The following STAC variants were observed in gnomAD, a reference collection of about 807,000 sequenced individuals.
STAC encodes SH3 and cysteine rich domain.
STAC carries 43 observed loss-of-function variants against 48.8 expected under a neutral mutation model. That is an observed-to-expected ratio of 0.88 (90% CI 0.69 to 1.14). STAC has a LOEUF of 1.14. Among genes scored for constraint, STAC ranks in the 50% most tolerant of loss-of-function variants. The pLI, the probability that STAC is intolerant of heterozygous loss-of-function variation, is 0.00. For synonymous variants in STAC, 193 were observed against 179.5 expected (o/e 1.07, Z -0.60); for missense variants, 497 against 504.0 (o/e 0.99, Z 0.13).
rs149518956 is a variant in STAC, at chr3:36,536,401, T to C, written c.1110+7416T>C. On this transcript the variant is annotated intron_variant, in intron 10 of 10. Coordinates refer to ENST00000273183, the MANE Select transcript of STAC (RefSeq NM_003149.3). ...TGGTACTGGTACAAAAACAGATACA[T>C]AGGCCAGTGGAACAGTATAGAGGTC... Among the ~76,000 whole-genome samples the C allele has an allele frequency of 2.2e-3, 337 of 152,174 alleles. No homozygotes were observed. In the Middle Eastern group the frequency reaches 0.024, roughly 11 times the overall value.
At chr3:36,471,063 G>C (rs1697319256) in intron 2 of STAC, among the ~76,000 whole-genome samples, 1 of 152,112 alleles carries the variant, frequency 6.6e-6, no homozygotes, top group East Asian at 1.9e-4. Flanking sequence ...TGCTGATAAA[G>C]ACATACCCGA....
At chr3:36,444,448 TTC>T (rs753402159) in intron 2 of STAC, among the ~76,000 whole-genome samples, 8 of 148,376 alleles carry the variant, frequency 5.4e-5, no homozygotes, top group Non-Finnish European at 1.2e-4. Context: ...TTATTGCATC[TTC>T]TCTCTACTCC....
chr3:36,400,626 G>C (rs549211582), intron 1 of STAC, among the ~76,000 whole-genome samples: 2 of 152,304 alleles, frequency 1.3e-5, no homozygotes, highest in African/African-American at 2.4e-5. Context: ...TTGAAACACA[G>C]ATTATTGGAC....
intron 6 of STAC, among the ~76,000 whole-genome samples, chr3:36,501,354 T>C (rs1177965080): frequency 6.6e-6 from 1 of 152,038 alleles, no homozygotes; most frequent in Non-Finnish European, 1.5e-5. Context: ...GAGCAGAAAT[T>C]ATTAAATTAC....
intron 2 of STAC, among the ~76,000 whole-genome samples, chr3:36,457,499 G>A (rs895934424): frequency 6.6e-6 from 1 of 152,166 alleles, no homozygotes; most frequent in Non-Finnish European, 1.5e-5. Context: ...CCTAGGAAAG[G>A]AGTCTGGAAA....
chr3:36,455,622 G>T (rs756196311), intron 2 of STAC, among the ~76,000 whole-genome samples: 61 of 152,186 alleles, frequency 4.0e-4, no homozygotes, highest in Admixed American at 1.0e-3. Flanking sequence ...AACAGGGAAT[G>T]CTCCACTGAC....
At chr3:36,542,850 G>C (rs906084215) in intron 10 of STAC, among the ~76,000 whole-genome samples, 25 of 152,142 alleles carry the variant, frequency 1.6e-4, no homozygotes, top group African/African-American at 6.0e-4. Context: ...GGATCCGTCT[G>C]TCTTGTATTG....
At chr3:36,514,693 A>G (rs928437651) in intron 8 of STAC, among the ~76,000 whole-genome samples, 4 of 152,168 alleles carry the variant, frequency 2.6e-5, no homozygotes, top group Non-Finnish European at 5.9e-5. Context: ...AACTAATGCT[A>G]TGCCTGGCAT....
chr3:36,445,761 C>T (rs1470515183), intron 2 of STAC, among the ~76,000 whole-genome samples: 1 of 152,100 alleles, frequency 6.6e-6, no homozygotes, highest in East Asian at 1.9e-4. Flanking sequence ...GAATGACATC[C>T]CAGAAAAGAT....
chr3:36,453,486 T>C (rs976027035), intron 2 of STAC, among the ~76,000 whole-genome samples: 26 of 152,316 alleles, frequency 1.7e-4, no homozygotes, highest in African/African-American at 6.3e-4. Context: ...TCTTAGCACC[T>C]GGGCCAGCAG....
chr3:36,421,939 G>A (rs1374195595), intron 1 of STAC, among the ~76,000 whole-genome samples: 1 of 151,710 alleles, frequency 6.6e-6, no homozygotes, highest in Admixed American at 6.6e-5. Context: ...TGAAGATTAT[G>A]TTTATTCATA....
chr3:36,489,552 T>G (rs1207868697), intron 5 of STAC, among the ~76,000 whole-genome samples: 1 of 152,234 alleles, frequency 6.6e-6, no homozygotes, highest in African/African-American at 2.4e-5. Context: ...TATATATTGC[T>G]TAGTAATTTT....
At chr3:36,511,109 T>C (rs114307643) in intron 8 of STAC, among the ~76,000 whole-genome samples, 284 of 152,012 alleles carry the variant, frequency 1.9e-3, no homozygotes, top group African/African-American at 6.5e-3. Context: ...TCTCAAAATC[T>C]AAACCATTCT....
chr3:36,391,124 T>C (rs1248247275), intron 1 of STAC, among the ~76,000 whole-genome samples: 2 of 152,134 alleles, frequency 1.3e-5, no homozygotes, highest in African/African-American at 4.8e-5. Context: ...ACTGATTCCT[T>C]AGATCTGGAT....
At chr3:36,438,343 AT>A (rs1696219134) in intron 1 of STAC, among the ~76,000 whole-genome samples, 1 of 152,198 alleles carries the variant, frequency 6.6e-6, no homozygotes, top group Non-Finnish European at 1.5e-5. Context: ...TCTGAAGAAT[AT>A]CTGTTTCTTT....
intron 1 of STAC, among the ~76,000 whole-genome samples, chr3:36,424,424 G>C (rs1700517591): frequency 6.6e-6 from 1 of 152,108 alleles, no homozygotes; most frequent in Admixed American, 6.6e-5. Context: ...CAGATAGATT[G>C]ATATAAAAAT....
chr3:36,546,299 C>A lies in STAC; in HGVS notation c.*10C>A. The A allele has an allele frequency of 6.2e-7, 1 of 1,612,412 alleles. No homozygotes were observed. The highest frequency in any genetic ancestry group is 1.1e-5 in the South Asian group (1 of 91,054). On this transcript the variant is annotated 3_prime_UTR_variant, in exon 11 of 11. Transcript: ENST00000273183. ...ACTAGAAAACATCTGATTGCTGGCT[C>A]CTCCTCCGTTTGCAGTAGGCAAGCT...
chr3:36,440,379 G>A (rs1479941762), intron 1 of STAC, among the ~76,000 whole-genome samples: 2 of 152,098 alleles, frequency 1.3e-5, no homozygotes, highest in African/African-American at 4.8e-5. Flanking sequence ...GGACTCAGCT[G>A]GACAGTACTT....
intron 1 of STAC, among the ~76,000 whole-genome samples, chr3:36,419,702 C>A (rs940799812): frequency 4.7e-5 from 7 of 149,518 alleles, no homozygotes; most frequent in African/African-American, 1.7e-4. Flanking sequence ...CTGTTCAGGT[C>A]AGGGAAGAAG....
Sources: allele counts gnomAD v4.1 joint callset (sites outside exome capture counted in the v4.1 genomes callset), GRCh38; gene constraint gnomAD v4.1.1; transcripts MANE v1.5; gene names NCBI Gene and HGNC (gene_info 2026-07-23, HGNC 2026-07-21).